Variants in AGBL1 observed in about 807,000 individuals in gnomAD.
AGBL1 encodes AGBL carboxypeptidase 1, also known as cytosolic carboxypeptidase 4.
A neutral mutation model predicts 118.9 loss-of-function variants in AGBL1; 130 were observed. The observed-to-expected ratio is 1.09, with a 90% confidence interval of 0.95 to 1.26. The LOEUF (loss-of-function observed/expected upper bound fraction) is 1.26, where lower values mean the gene tolerates loss of function less well. Among genes scored for constraint, AGBL1 ranks in the 50% most tolerant of loss-of-function variants. The pLI is 0.00. For synonymous variants in AGBL1, 555 were observed against 478.9 expected, an observed-to-expected ratio of 1.16 and a Z score of -2.08; for missense variants, 1,584 against 1,298.1, an observed-to-expected ratio of 1.22 and a Z score of -3.38.
chr15:86,741,412 A>AAAAAAAAAAAAAAAAAT (rs2077677517), intron 22 of AGBL1, among the ~76,000 whole-genome samples: 1 of 124,344 alleles, frequency 8.0e-6, no homozygotes, highest in African/African-American at 2.8e-5. Flanking sequence ...AAAAAAAAAA[A>AAAAAAAAAAAAAAAAAT]AAAAAAAAAG....
At chr15:86,469,936 T>C (rs1451543738) in intron 18 of AGBL1, among the ~76,000 whole-genome samples, 1 of 152,144 alleles carries the variant, frequency 6.6e-6, no homozygotes, top group Admixed American at 6.6e-5. Flanking sequence ...ACTTGTTTCT[T>C]GCTATTGGTT....
At chr15:86,352,588 TCTC>T (rs2080644883) in intron 17 of AGBL1, among the ~76,000 whole-genome samples, 1 of 152,020 alleles carries the variant, frequency 6.6e-6, no homozygotes, top group African/African-American at 2.4e-5. Context: ...TTAAAGCAAT[TCTC>T]CTGCTGCAGT....
At chr15:86,970,887 C>T (rs1186226689) in intron 23 of AGBL1, among the ~76,000 whole-genome samples, 1 of 151,930 alleles carries the variant, frequency 6.6e-6, no homozygotes, top group Non-Finnish European at 1.5e-5. Context: ...CATAATAAAA[C>T]ATAACAATAT....
intron 18 of AGBL1, among the ~76,000 whole-genome samples, chr15:86,515,071 T>C (rs890886972): frequency 5.3e-5 from 8 of 152,232 alleles, no homozygotes; most frequent in African/African-American, 1.9e-4. Context: ...TGTATCCTGC[T>C]ACTTTACTGA....
chr15:86,173,567 T>G (rs2077442820), intron 5 of AGBL1, among the ~76,000 whole-genome samples: 1 of 152,246 alleles, frequency 6.6e-6, no homozygotes, highest in East Asian at 1.9e-4. Context: ...AGTAGTTTCA[T>G]AGTTTTGGGT....
chr15:86,081,070 G>A (rs539180586), intron 1 of AGBL1, among the ~76,000 whole-genome samples: 2 of 152,198 alleles, frequency 1.3e-5, no homozygotes, highest in South Asian at 2.1e-4. Context: ...TTGAGACAGC[G>A]TCTCACTCTG....
At chr15:86,275,490 C>T (rs2079236385) in intron 15 of AGBL1, among the ~76,000 whole-genome samples, 1 of 152,146 alleles carries the variant, frequency 6.6e-6, no homozygotes, top group Admixed American at 6.6e-5. Context: ...TTATCTAATC[C>T]ATTCTCCATC....
chr15:86,803,799 A>T (rs1334645398), intron 22 of AGBL1, among the ~76,000 whole-genome samples: 1 of 152,144 alleles, frequency 6.6e-6, no homozygotes, highest in Admixed American at 6.6e-5. Context: ...ATGTCTGGGA[A>T]CATTTTGGGT....
intron 22 of AGBL1, among the ~76,000 whole-genome samples, chr15:86,889,366 G>A (rs148373384): frequency 4.9e-4 from 70 of 141,672 alleles, no homozygotes; most frequent in African/African-American, 1.8e-3. Flanking sequence ...GTGGGTGGGG[G>A]GTATTTGTGT....
chr15:86,210,751 G>A (rs549646713), intron 5 of AGBL1, among the ~76,000 whole-genome samples: 5 of 152,186 alleles, frequency 3.3e-5, no homozygotes, highest in Non-Finnish European at 5.9e-5. Context: ...TCCTTGAGAT[G>A]GGTTCGAACA....
chr15:86,850,958 G>A (rs767814171), intron 22 of AGBL1, among the ~76,000 whole-genome samples: 2 of 152,100 alleles, frequency 1.3e-5, no homozygotes, highest in Non-Finnish European at 2.9e-5. Context: ...TATTGATAAA[G>A]AAACTGGAGT....
chr15:86,893,197 CAGGT>C (rs1302174221), intron 22 of AGBL1, among the ~76,000 whole-genome samples: 1 of 152,086 alleles, frequency 6.6e-6, no homozygotes, highest in Non-Finnish European at 1.5e-5. Context: ...AGATGGGTGA[CAGGT>C]AGCTGGGAGA....
intron 18 of AGBL1, among the ~76,000 whole-genome samples, chr15:86,459,003 A>C (rs931671660): frequency 5.3e-5 from 8 of 152,190 alleles, no homozygotes; most frequent in Non-Finnish European, 8.8e-5. Context: ...AAAGCTTGGT[A>C]AAATCTCATA....
At chr15:86,506,970 GT>G (rs2082985073) in intron 18 of AGBL1, among the ~76,000 whole-genome samples, 1 of 151,850 alleles carries the variant, frequency 6.6e-6, no homozygotes, top group Admixed American at 6.6e-5. Context: ...TATTGCCTAT[GT>G]TTAGCTTGAA....
intron 7 of AGBL1, among the ~76,000 whole-genome samples, chr15:86,252,130 G>A (rs1301965490): frequency 6.6e-6 from 1 of 152,206 alleles, no homozygotes; most frequent in Admixed American, 6.5e-5. Flanking sequence ...GTTCTCAGGT[G>A]ATACTGATGC....
intron 17 of AGBL1, among the ~76,000 whole-genome samples, chr15:86,339,828 G>A (rs887529253): frequency 6.6e-5 from 10 of 152,172 alleles, no homozygotes; most frequent in South Asian, 4.2e-4. Flanking sequence ...TTAGCTGGGC[G>A]TAGTGGCGCA....
intron 19 of AGBL1, among the ~76,000 whole-genome samples, chr15:86,542,424 T>C (rs1260254467): frequency 6.8e-6 from 1 of 147,570 alleles, no homozygotes; most frequent in Non-Finnish European, 1.5e-5. Context: ...TGGAGTGCAA[T>C]GGCACGATCT....
intron 19 of AGBL1, among the ~76,000 whole-genome samples, chr15:86,525,611 T>C (rs918456895): frequency 6.6e-6 from 1 of 151,788 alleles, no homozygotes; most frequent in African/African-American, 2.4e-5. Context: ...TTTGACCAAG[T>C]AGAAAAAATA....
intron 18 of AGBL1, among the ~76,000 whole-genome samples, chr15:86,438,212 C>T (rs758387189): frequency 2.0e-5 from 3 of 152,054 alleles, no homozygotes; most frequent in Non-Finnish European, 4.4e-5. Flanking sequence ...GGCCAAGCCT[C>T]AGTTTTTTTA....
Sources: allele counts gnomAD v4.1 joint callset (sites outside exome capture counted in the v4.1 genomes callset), GRCh38; gene constraint gnomAD v4.1.1; transcripts MANE v1.5; gene names NCBI Gene and HGNC (gene_info 2026-07-23, HGNC 2026-07-21).